The following AUTS2 variants were observed in gnomAD, a reference collection of about 807,000 sequenced individuals.
The protein encoded by AUTS2 is autism susceptibility gene 2 protein.
AUTS2 carries 17 observed loss-of-function variants against 112.4 expected under a neutral mutation model. That is an observed-to-expected ratio of 0.15 (90% CI 0.10 to 0.23). The LOEUF is 0.23. Among genes scored for constraint, AUTS2 ranks in the 10% least tolerant of loss-of-function variants. AUTS2 has a pLI of 1.00. For missense variants in AUTS2, 1,510 were observed against 1,701.6 expected, an observed-to-expected ratio of 0.89 and a Z score of 1.98; for synonymous variants, 751 against 702.7, an observed-to-expected ratio of 1.07 and a Z score of -1.09.
chr7:69,793,850 A>G (rs1486375132), intron 1 of AUTS2, among the ~76,000 whole-genome samples: 1 of 152,186 alleles, frequency 6.6e-6, no homozygotes, highest in Non-Finnish European at 1.5e-5. Context: ...ACAAAGAAGG[A>G]TAAATAGGCT....
intron 4 of AUTS2, among the ~76,000 whole-genome samples, chr7:70,414,490 G>A (rs1290523105): frequency 6.6e-6 from 1 of 152,182 alleles, no homozygotes; most frequent in African/African-American, 2.4e-5. Flanking sequence ...GAGGCAGGAG[G>A]CATTTGCAGG....
intron 4 of AUTS2, among the ~76,000 whole-genome samples, chr7:70,263,637 G>A (rs1255189018): frequency 2.0e-5 from 3 of 152,166 alleles, no homozygotes; most frequent in African/African-American, 7.2e-5. Flanking sequence ...ACTTTGGAAA[G>A]CCGAAACAAA....
chr7:69,877,566 A>G (rs1793858908), intron 1 of AUTS2, among the ~76,000 whole-genome samples: 1 of 152,128 alleles, frequency 6.6e-6, no homozygotes, highest in African/African-American at 2.4e-5. Context: ...CCCGTCACCC[A>G]GGTACTAAGC....
At chr7:70,172,106 T>C (rs904106977) in intron 4 of AUTS2, among the ~76,000 whole-genome samples, 1 of 152,150 alleles carries the variant, frequency 6.6e-6, no homozygotes, top group Non-Finnish European at 1.5e-5. Context: ...TTGCTTTTCC[T>C]AACCCCCCTG....
chr7:70,307,436 G>C (rs1789540187), intron 4 of AUTS2, among the ~76,000 whole-genome samples: 1 of 152,158 alleles, frequency 6.6e-6, no homozygotes, highest in Non-Finnish European at 1.5e-5. Context: ...CCTCAAACGT[G>C]TTCTTGTCCT....
At chr7:70,058,533 CT>C (rs1432934314) in intron 2 of AUTS2, among the ~76,000 whole-genome samples, 1 of 151,830 alleles carries the variant, frequency 6.6e-6, no homozygotes, top group Admixed American at 6.6e-5. Context: ...CTTACAATCT[CT>C]TTAAAAACTT....
intron 6 of AUTS2, among the ~76,000 whole-genome samples, chr7:70,761,166 G>A (rs1474716390): frequency 1.3e-5 from 2 of 152,156 alleles, no homozygotes; most frequent in African/African-American, 4.8e-5. Flanking sequence ...ATGTAAGCCG[G>A]GCACAGTGCA....
At chr7:69,890,337 TTTTTG>T (rs1443619321) in intron 1 of AUTS2, among the ~76,000 whole-genome samples, 1 of 152,194 alleles carries the variant, frequency 6.6e-6, no homozygotes, top group African/African-American at 2.4e-5. Context: ...TTTTGTTTTC[TTTTTG>T]TTTTGTTCTC....
intron 18 of AUTS2, among the ~76,000 whole-genome samples, chr7:70,789,350 A>ATTCT (rs1373844667): frequency 2.6e-5 from 4 of 152,164 alleles, no homozygotes; most frequent in Admixed American, 1.3e-4. Context: ...TTAAAACGTG[A>ATTCT]TTCTTTACAC....
chr7:70,789,196 C>T (rs1013767901), intron 18 of AUTS2, among the ~76,000 whole-genome samples: 1 of 152,186 alleles, frequency 6.6e-6, no homozygotes, highest in Non-Finnish European at 1.5e-5. Context: ...TTGGAGATGG[C>T]TCTGTATCCA....
At chr7:70,643,300 T>G (rs550344219) in intron 5 of AUTS2, among the ~76,000 whole-genome samples, 1 of 152,218 alleles carries the variant, frequency 6.6e-6, no homozygotes, top group Non-Finnish European at 1.5e-5. Context: ...AGGCCAGGCG[T>G]GGTGGCTCAC....
intron 1 of AUTS2, among the ~76,000 whole-genome samples, chr7:69,807,571 G>A (rs574814629): frequency 1.1e-3 from 162 of 152,152 alleles, no homozygotes; most frequent in Middle Eastern, 3.4e-3. Context: ...AATTCTTAGT[G>A]TAAATTTTTT....
At chr7:69,665,314 A>G (rs1795986045) in intron 1 of AUTS2, among the ~76,000 whole-genome samples, 2 of 152,212 alleles carry the variant, frequency 1.3e-5, no homozygotes, top group Admixed American at 6.5e-5. Context: ...GGATATTTTA[A>G]GAGATAAGAT....
rs927272596 is a variant in AUTS2 at position 70,791,316 on chromosome 7, G to T, written c.*320G>T. 4.6e-6 allele frequency: 1 copy of T among 215,524 alleles called. No homozygotes were observed. Among genetic ancestry groups the T allele is most frequent in the Non-Finnish European group, 9.1e-6 (1 of 110,292 alleles). 13.4% of individuals were successfully genotyped at this position (215,524 alleles called of 1,614,324 possible). Reference sequence around the variant, plus strand: ...GATGATAATTGTAGCGGGGGCGGTGGGGGGGAGAAGTCCACGCCATCCATC... The same window carrying T: ...GATGATAATTGTAGCGGGGGCGGTGTGGGGGAGAAGTCCACGCCATCCATC... On this transcript the variant is annotated 3_prime_UTR_variant, in exon 19 of 19. Coordinates refer to ENST00000342771, the MANE Select transcript of AUTS2 (RefSeq NM_015570.4).
At chr7:70,220,516 A>G (rs556511622) in intron 4 of AUTS2, among the ~76,000 whole-genome samples, 12 of 152,194 alleles carry the variant, frequency 7.9e-5, no homozygotes, top group Non-Finnish European at 1.8e-4. Context: ...ACATAATATT[A>G]GATGTTAAAT....
intron 4 of AUTS2, among the ~76,000 whole-genome samples, chr7:70,135,551 A>T (rs1806511234): frequency 6.6e-6 from 1 of 152,046 alleles, no homozygotes; most frequent in Non-Finnish European, 1.5e-5. Context: ...CTGCCCACGT[A>T]TTTCTCTCGA....
At chr7:70,734,693 A>G (rs535615369) in intron 6 of AUTS2, among the ~76,000 whole-genome samples, 2 of 152,208 alleles carry the variant, frequency 1.3e-5, no homozygotes, top group South Asian at 2.1e-4. Context: ...AAATAAAGCC[A>G]TATAATAAAT....
At chr7:70,036,659 T>G (rs1178439602) in intron 2 of AUTS2, among the ~76,000 whole-genome samples, 2 of 152,188 alleles carry the variant, frequency 1.3e-5, no homozygotes, top group Non-Finnish European at 2.9e-5. Context: ...TCCAGAGACC[T>G]TCAGATAGCA....
chr7:70,321,133 G>A (rs1790234135), intron 4 of AUTS2, among the ~76,000 whole-genome samples: 1 of 152,206 alleles, frequency 6.6e-6, no homozygotes, highest in Non-Finnish European at 1.5e-5. Flanking sequence ...GAGATAGGTA[G>A]TATTATTCCC....
Sources: gnomAD v4.1 joint callset for allele counts (sites outside exome capture counted in the v4.1 genomes callset) on GRCh38, gnomAD v4.1.1 for gene constraint, MANE v1.5 for transcripts, NCBI Gene and HGNC (gene_info 2026-07-23, HGNC 2026-07-21) for gene names.